Variants in ARID1B observed in about 807,000 individuals in gnomAD.
ARID1B encodes AT-rich interactive domain-containing protein 1B.
ARID1B carries 30 observed loss-of-function variants against 212.3 expected under a neutral mutation model. The observed-to-expected ratio is 0.14, with a 90% CI of 0.11 to 0.19. The LOEUF (loss-of-function observed/expected upper bound fraction) is 0.19, where lower values mean the gene tolerates loss of function less well. Among genes scored for constraint, ARID1B ranks in the 10% least tolerant of loss-of-function variants. The probability of loss-of-function intolerance (pLI) is 1.00; values close to 1 mark genes in which losing one functional copy is unlikely to be tolerated. For missense variants in ARID1B, 2,891 were observed against 3,204.0 expected, an observed-to-expected ratio of 0.90 and a Z score of 2.36; for synonymous variants, 1,402 against 1,301.7, an observed-to-expected ratio of 1.08 and a Z score of -1.66.
At chr6:157,204,952 A>G (rs1012787066) in intron 19 of ARID1B, 5 of 152,188 alleles carry the variant, frequency 3.3e-5, no homozygotes, top group Non-Finnish European at 5.9e-5. Context: ...CAATTTTTCA[A>G]TTGCTAGAAA....
At chr6:157,197,359 C>T (rs1490924752) in intron 16 of ARID1B, among the ~76,000 whole-genome samples, 3 of 152,252 alleles carry the variant, frequency 2.0e-5, no homozygotes, top group Admixed American at 1.3e-4. Context: ...GAGCCGCTCA[C>T]CTTTCATCAG....
intron 3 of ARID1B, among the ~76,000 whole-genome samples, chr6:156,906,438 G>A (rs1296111656): frequency 6.6e-6 from 1 of 151,154 alleles, no homozygotes; most frequent in Non-Finnish European, 1.5e-5. Context: ...CCAGCTACTC[G>A]GGAGGCTGAG....
At chr6:157,068,247 C>A (rs974463522) in intron 4 of ARID1B, among the ~76,000 whole-genome samples, 1 of 152,196 alleles carries the variant, frequency 6.6e-6, no homozygotes, top group African/African-American at 2.4e-5. Flanking sequence ...TTTAAATTCC[C>A]TCTGAACTTA....
rs1791919624 is a variant in ARID1B at position 157,174,089 on chromosome 6, G to A, written c.3317G>A (p.Gly1106Asp). 1 of 1,614,134 alleles carries A rather than the reference G, an allele frequency of 6.2e-7. No homozygotes were observed. The highest frequency in any genetic ancestry group is 8.5e-7 in the Non-Finnish European group (1 of 1,180,000). The change falls in exon 10 of 20, where the codon GGC becomes GAC. Residue 1106 changes from glycine (G) to aspartate (D), a missense_variant. By Grantham distance (94) the Gly-to-Asp change is moderately conservative (BLOSUM62 -1). Coordinates refer to ENST00000636930, the MANE Select transcript of ARID1B (RefSeq NM_001374828.1). Reference protein sequence around the residue: ...LPLKADGKEEGTPQPESKSKD... With the variant: ...LPLKADGKEEDTPQPESKSKD... Reference sequence around the variant, plus strand: ...CTCAAAGCAGACGGCAAAGAAGAAGGCACTCCACAGCCCGAGAGCAAGTCA... The same window carrying A: ...CTCAAAGCAGACGGCAAAGAAGAAGACACTCCACAGCCCGAGAGCAAGTCA...
chr6:156,790,925 T>C (rs796903139), intron 1 of ARID1B, among the ~76,000 whole-genome samples: 32 of 152,368 alleles, frequency 2.1e-4, no homozygotes, highest in African/African-American at 6.7e-4. Flanking sequence ...TAAGCAGTTT[T>C]GTGTTTTATC....
intron 7 of ARID1B, among the ~76,000 whole-genome samples, chr6:157,141,463 T>G (rs1789349758): frequency 1.3e-5 from 2 of 152,208 alleles, no homozygotes; most frequent in Non-Finnish European, 1.5e-5. Context: ...ATTCTCTCTA[T>G]TTATTCCCAC....
rs1794288441 is a variant in ARID1B at position 157,204,070 on chromosome 6, C to T, written c.5394+74C>T. On this transcript the variant is annotated intron_variant, in intron 19 of 19. Coordinates refer to ENST00000636930, the MANE Select transcript of ARID1B (RefSeq NM_001374828.1). The stretch of plus-strand genomic sequence containing the variant: ...CAGGCCATGCACATTTGTGCTTGAA[C>T]TAATGCCTGAGTTGATGAGCACTGA... The T allele has an allele frequency of 1.9e-6, 3 of 1,579,162 alleles. No homozygotes were observed. In the East Asian group the frequency reaches 6.7e-5, roughly 35 times the overall value.
At chr6:157,112,814 A>G (rs1305602125) in intron 6 of ARID1B, among the ~76,000 whole-genome samples, 1 of 152,114 alleles carries the variant, frequency 6.6e-6, no homozygotes, top group Admixed American at 6.5e-5. Context: ...GGAAATTACC[A>G]TGTTAATATG....
Position 156,994,501 on chromosome 6 carries a change from C to CA in ARID1B, c.2247+58934dup, listed in dbSNP as rs539478626. ...GGAAATGATACTTAAAACAAATATA[C>CA]AAAAAAAAATACCTTTATAAAATGC... On this transcript the variant is annotated intron_variant, in intron 4 of 19. Coordinates refer to ENST00000636930, the MANE Select transcript of ARID1B (RefSeq NM_001374828.1). Among the ~76,000 whole-genome samples, 1,288 of 148,426 alleles carry CA rather than the reference C, an allele frequency of 8.7e-3. 15 individuals carry two copies. Among genetic ancestry groups the CA allele is most frequent in the African/African-American group, 0.022 (885 of 40,306 alleles).
intron 6 of ARID1B, among the ~76,000 whole-genome samples, chr6:157,117,170 C>G (rs949795004): frequency 1.2e-4 from 18 of 152,144 alleles, no homozygotes; most frequent in Non-Finnish European, 2.9e-5. Context: ...TCAGGCATTT[C>G]AAGGTTCTTT....
chr6:156,796,870 CCTCTGAGTGAGTGGGCT>C (rs370383252), intron 1 of ARID1B, among the ~76,000 whole-genome samples: 112 of 151,516 alleles, frequency 7.4e-4, no homozygotes, highest in African/African-American at 2.5e-3. Context: ...GAGCCTGGGG[CCTCTGAGTGAGTGGGCT>C]CAGTGAGGGG....
intron 4 of ARID1B, among the ~76,000 whole-genome samples, chr6:156,974,583 T>G (rs1777114661): frequency 6.6e-6 from 1 of 152,192 alleles, no homozygotes; most frequent in Non-Finnish European, 1.5e-5. Context: ...CAAGACATAT[T>G]TTATATTAAT....
intron 3 of ARID1B, among the ~76,000 whole-genome samples, chr6:156,924,301 C>T (rs1791048893): frequency 6.6e-6 from 1 of 152,324 alleles, no homozygotes; most frequent in East Asian, 1.9e-4. Flanking sequence ...AAGATTCATT[C>T]TTTCCCTAGA....
chr6:157,106,778 G>A (rs982226708), intron 5 of ARID1B, among the ~76,000 whole-genome samples: 34 of 152,208 alleles, frequency 2.2e-4, no homozygotes, highest in Non-Finnish European at 1.5e-4. Context: ...TCGAGGGTGT[G>A]TCTGCCACAG....
intron 8 of ARID1B, among the ~76,000 whole-genome samples, chr6:157,155,251 T>A (rs1790501609): frequency 6.6e-6 from 1 of 152,228 alleles, no homozygotes; most frequent in African/African-American, 2.4e-5. Context: ...TTACCAACAC[T>A]GCTTTGGCAT....
At chr6:157,021,546 G>A (rs1449657305) in intron 4 of ARID1B, among the ~76,000 whole-genome samples, 1 of 152,206 alleles carries the variant, frequency 6.6e-6, no homozygotes, top group African/African-American at 2.4e-5. Flanking sequence ...AGGCTCGTGG[G>A]GGCGGGGACA....
At chr6:156,882,191 G>A (rs1167502301) in intron 2 of ARID1B, among the ~76,000 whole-genome samples, 1 of 152,038 alleles carries the variant, frequency 6.6e-6, no homozygotes. Context: ...TAGTTGAAAG[G>A]GAGTCCTCCC....
At chr6:156,950,830 C>A (rs966828401) in intron 4 of ARID1B, among the ~76,000 whole-genome samples, 1 of 152,172 alleles carries the variant, frequency 6.6e-6, no homozygotes, top group African/African-American at 2.4e-5. Flanking sequence ...CTTCTTAAAT[C>A]ATACTTACTG....
intron 5 of ARID1B, among the ~76,000 whole-genome samples, chr6:157,095,365 C>T (rs1785544767): frequency 6.6e-6 from 1 of 152,192 alleles, no homozygotes; most frequent in Non-Finnish European, 1.5e-5. Context: ...TTAAAGCTCT[C>T]CAGGTGGTTA....
Sources: allele counts gnomAD v4.1 joint callset (sites outside exome capture counted in the v4.1 genomes callset), GRCh38; gene constraint gnomAD v4.1.1; transcripts MANE v1.5; gene names NCBI Gene and HGNC (gene_info 2026-07-23, HGNC 2026-07-21).